Variants in TBC1D4 observed in about 807,000 individuals in gnomAD.
TBC1D4 encodes TBC (Tre-2, BUB2, CDC16) domain-containing protein.
A neutral mutation model predicts 142.5 loss-of-function variants in TBC1D4; 121 were observed. The observed-to-expected ratio is 0.85, with a 90% CI of 0.73 to 0.99. TBC1D4 has a LOEUF of 0.99. Among genes scored for constraint, TBC1D4 ranks in the 50% least tolerant of loss-of-function variants. The probability of loss-of-function intolerance (pLI) is 0.00; values close to 1 mark genes in which losing one functional copy is unlikely to be tolerated. For missense variants in TBC1D4, 1,475 were observed against 1,606.6 expected, an observed-to-expected ratio of 0.92 and a Z score of 1.40; for synonymous variants, 630 against 628.2, an observed-to-expected ratio of 1.00 and a Z score of -0.04.
At chr13:75,375,357 C>A (rs1001134858) in intron 1 of TBC1D4, among the ~76,000 whole-genome samples, 1 of 152,062 alleles carries the variant, frequency 6.6e-6, no homozygotes, top group Non-Finnish European at 1.5e-5. Context: ...TAGTTTTCAC[C>A]CTTGTGTCTA....
intron 9 of TBC1D4, 83 bp from the exon 10 acceptor site, chr13:75,326,506 G>T: frequency 7.1e-7 from 1 of 1,408,846 alleles, no homozygotes. Flanking sequence ...AAAAGTGACA[G>T]TGTGCCTCAT....
intron 1 of TBC1D4, among the ~76,000 whole-genome samples, chr13:75,383,989 G>T (rs890929068): frequency 6.6e-6 from 1 of 152,206 alleles, no homozygotes; most frequent in Middle Eastern, 3.4e-3. Context: ...TCCGAGGAAG[G>T]GGGAGGGATA....
chr13:75,430,073 CACAG>C (rs1462965939), intron 1 of TBC1D4, among the ~76,000 whole-genome samples: 1 of 152,186 alleles, frequency 6.6e-6, no homozygotes, highest in Non-Finnish European at 1.5e-5. Context: ...TACCATTGCA[CACAG>C]ACAATGAACA....
chr13:75,400,975 A>G (rs530171168), intron 1 of TBC1D4, among the ~76,000 whole-genome samples: 8 of 152,326 alleles, frequency 5.3e-5, no homozygotes, highest in African/African-American at 1.9e-4. Context: ...AGATGCATAT[A>G]TGCTGTCACT....
At chr13:75,383,207 C>T (rs1363721219) in intron 1 of TBC1D4, among the ~76,000 whole-genome samples, 6 of 152,128 alleles carry the variant, frequency 3.9e-5, no homozygotes, top group Admixed American at 1.3e-4. Context: ...CTTGTAGTCC[C>T]AGCTACTCGG....
At chr13:75,304,630 G>C (rs973764988) in intron 15 of TBC1D4, among the ~76,000 whole-genome samples, 2 of 152,126 alleles carry the variant, frequency 1.3e-5, no homozygotes, top group Non-Finnish European at 2.9e-5. Flanking sequence ...GTATTTGAGG[G>C]ACCTGAGGGA....
chr13:75,312,797 C>T lies in TBC1D4; in HGVS notation c.2324G>A (p.Arg775His), dbSNP rs375938256. The T allele has an allele frequency of 1.2e-5, 19 of 1,614,028 alleles. No homozygotes were observed. The highest frequency in any genetic ancestry group is 4.0e-5 in the African/African-American group (3 of 74,900). Residue 775 changes from arginine to histidine, a missense_variant, in exon 13 of 21, where the codon CGC (arginine) becomes CAC (histidine). Physicochemically the swap from Arg to His is conservative, Grantham distance 29 (BLOSUM62 0). Around this residue, in one of 2 missense-constraint regions of TBC1D4, gnomAD observed 1,227 missense variants for 1,267.7 expected, o/e 0.97. Coordinates refer to ENST00000377636, the MANE Select transcript of TBC1D4 (RefSeq NM_014832.5). ...VTPRRISWRQ[R>H]IFLRVASPMN... is the part of the protein sequence containing the mutation. ...GGGAGAAGCAACCCTGAGGAAAATG[C>T]GCTGCCGCCAGGAGATCCGGCGAGG... is the stretch of plus-strand genomic sequence containing the variant.
At chr13:75,329,378 C>T (rs1250249956) in intron 8 of TBC1D4, among the ~76,000 whole-genome samples, 2 of 151,818 alleles carry the variant, frequency 1.3e-5, no homozygotes, top group African/African-American at 4.8e-5. Flanking sequence ...CCACACCAAC[C>T]ATCAATTACC....
At chr13:75,456,134 C>T (rs964487765) in intron 1 of TBC1D4, among the ~76,000 whole-genome samples, 3 of 151,990 alleles carry the variant, frequency 2.0e-5, no homozygotes, top group Admixed American at 6.6e-5. Context: ...CTCACATAGG[C>T]TTAGTGTCCA....
At chr13:75,354,162 T>C (rs1881846656) in intron 4 of TBC1D4, among the ~76,000 whole-genome samples, 1 of 152,210 alleles carries the variant, frequency 6.6e-6, no homozygotes, top group African/African-American at 2.4e-5. Flanking sequence ...AAGGGCATAG[T>C]ATTCCGGTCT....
At chr13:75,475,992 C>T (rs9573556) in intron 1 of TBC1D4, among the ~76,000 whole-genome samples, 41,324 of 151,990 alleles carry the variant, frequency 0.27, 5,874 homozygotes, top group Middle Eastern at 0.32. Context: ...CCTGTAATCC[C>T]AGCACTTTGG....
At chr13:75,336,412 G>T (rs1593749040) in intron 8 of TBC1D4, among the ~76,000 whole-genome samples, 1 of 148,864 alleles carries the variant, frequency 6.7e-6, no homozygotes, top group Non-Finnish European at 1.5e-5. Context: ...AAAAAAAAAA[G>T]ATCATTTTGA....
intron 1 of TBC1D4, among the ~76,000 whole-genome samples, chr13:75,480,343 A>G (rs939474944): frequency 6.6e-6 from 1 of 152,206 alleles, no homozygotes; most frequent in Non-Finnish European, 1.5e-5. Flanking sequence ...CATTTTTAAA[A>G]CAGCATTTTG....
intron 1 of TBC1D4, among the ~76,000 whole-genome samples, chr13:75,429,109 T>G (rs1477910187): frequency 1.3e-5 from 2 of 152,216 alleles, no homozygotes; most frequent in Non-Finnish European, 2.9e-5. Flanking sequence ...ACTTTTTTGG[T>G]GTTTTCTTTT....
In TBC1D4 at chr13:75,379,120, A is replaced by G. The variant is rs554765497; in HGVS notation, c.499-16513T>C. ...CATCATGACTGAATTTAACCTCAGA[A>G]ACTTCTACAAAGATCTTCTATAAAT... On this transcript the variant is annotated intron_variant, in intron 1 of 20. Transcript: ENST00000377636. Among the ~76,000 whole-genome samples the G allele has an allele frequency of 3.3e-5, 5 of 152,308 alleles. No individual in the cohort carries two copies. In the East Asian group the frequency reaches 7.7e-4, roughly 23 times the overall value.
At chr13:75,400,314 CCAT>C (rs1885019388) in intron 1 of TBC1D4, among the ~76,000 whole-genome samples, 1 of 152,078 alleles carries the variant, frequency 6.6e-6, no homozygotes, top group South Asian at 2.1e-4. Context: ...TACATGGTTC[CCAT>C]CATTTTTTGC....
chr13:75,415,064 C>T (rs1051383250), intron 1 of TBC1D4, among the ~76,000 whole-genome samples: 5 of 146,960 alleles, frequency 3.4e-5, no homozygotes, highest in East Asian at 2.0e-4. Flanking sequence ...GTGGAGGTTT[C>T]GGTGAGCCGA....
intron 1 of TBC1D4, among the ~76,000 whole-genome samples, chr13:75,473,478 T>C (rs1045963109): frequency 6.6e-6 from 1 of 152,238 alleles, no homozygotes; most frequent in East Asian, 1.9e-4. Context: ...GTAATATTGA[T>C]AGCACAAAGT....
intron 5 of TBC1D4, among the ~76,000 whole-genome samples, chr13:75,342,443 GATCTCTTCC>G (rs574249531): frequency 8.1e-4 from 124 of 152,274 alleles, no homozygotes; most frequent in African/African-American, 2.6e-3. Flanking sequence ...CTTTGACAGA[GATCTCTTCC>G]CCGATGCAGC....
Sources: allele counts gnomAD v4.1 joint callset (sites outside exome capture counted in the v4.1 genomes callset), GRCh38; gene constraint gnomAD v4.1.1; regional missense constraint gnomAD v4.1.1; transcripts MANE v1.5; gene names NCBI Gene and HGNC (gene_info 2026-07-23, HGNC 2026-07-21).